Variants in COL21A1 observed in about 807,000 individuals in gnomAD.
COL21A1 encodes the protein collagen alpha-1(XXI) chain.
Under a neutral mutation model 137.9 loss-of-function variants are expected in COL21A1, and 149 were observed. The ratio of observed to expected loss-of-function variants is 1.08; its 90% CI spans 0.95 to 1.24. The LOEUF (loss-of-function observed/expected upper bound fraction) is 1.24, where lower values mean the gene tolerates loss of function less well. Among genes scored for constraint, COL21A1 ranks in the 50% most tolerant of loss-of-function variants. The probability of loss-of-function intolerance (pLI) is 0.00; values close to 1 mark genes in which losing one functional copy is unlikely to be tolerated. For missense variants in COL21A1, 1,167 were observed against 1,158.4 expected (o/e 1.01, Z -0.11); for synonymous variants, 456 against 391.5 (o/e 1.16, Z -1.95).
intron 21 of COL21A1, among the ~76,000 whole-genome samples, chr6:56,070,374 A>G (rs1380341735): frequency 6.6e-6 from 1 of 151,716 alleles, no homozygotes; most frequent in Non-Finnish European, 1.5e-5. Context: ...TGTGAGTTCT[A>G]TATCAAAGAT....
chr6:56,319,520 T>A (rs981998416), intron 1 of COL21A1, among the ~76,000 whole-genome samples: 5 of 151,160 alleles, frequency 3.3e-5, no homozygotes, highest in Non-Finnish European at 4.4e-5. Context: ...GCATTTTTAG[T>A]AGAGACAAGG....
intron 10 of COL21A1, among the ~76,000 whole-genome samples, chr6:56,154,085 C>T (rs920941192): frequency 1.3e-5 from 2 of 152,052 alleles, no homozygotes; most frequent in African/African-American, 4.8e-5. Context: ...ATATGTGGGG[C>T]TTTAAGAGGT....
chr6:56,360,473 T>A (rs1432547974), intron 1 of COL21A1, among the ~76,000 whole-genome samples: 3 of 152,108 alleles, frequency 2.0e-5, no homozygotes, highest in Non-Finnish European at 4.4e-5. Flanking sequence ...AGAGTGATGA[T>A]GTGGTGGCAA....
intron 3 of COL21A1, among the ~76,000 whole-genome samples, chr6:56,175,864 T>C (rs540254889): frequency 6.6e-6 from 1 of 152,244 alleles, no homozygotes; most frequent in South Asian, 2.1e-4. Context: ...GGCCTCACAC[T>C]TCCTGATTTC....
chr6:56,221,871 C>CA (rs1466112746), intron 1 of COL21A1, among the ~76,000 whole-genome samples: 2 of 151,906 alleles, frequency 1.3e-5, no homozygotes, highest in South Asian at 2.1e-4. Flanking sequence ...TAAGTATTGC[C>CA]AAAAAACAAT....
chr6:56,071,199 A>G (rs937730866), intron 20 of COL21A1, among the ~76,000 whole-genome samples: 1 of 151,602 alleles, frequency 6.6e-6, no homozygotes, highest in Non-Finnish European at 1.5e-5. Flanking sequence ...TCAGTATGCA[A>G]CTGAAGGAAA....
At chr6:56,085,876 A>G (rs1768197335) in intron 17 of COL21A1, among the ~76,000 whole-genome samples, 1 of 150,322 alleles carries the variant, frequency 6.7e-6, no homozygotes, top group African/African-American at 2.4e-5. Flanking sequence ...TATACAGATC[A>G]TTTCCAAGAG....
rs540063626 is a variant in COL21A1 at position 56,142,053 on chromosome 6, G to A, written c.1435-70C>T. ...TTACCAAGAGAAGTTCTTCGTTTCA[G>A]AATTCACTCTTATCTCAAGTTTCTC... On this transcript the variant is annotated intron_variant, in intron 10 of 29. Transcript: ENST00000244728. The A allele has an allele frequency of 2.3e-5, 26 of 1,131,700 alleles. 1 individual carries two copies. The South Asian group carries it at 3.5e-4, about 15-fold the overall frequency. The allele number at this position is 1,131,700 out of a possible 1,614,324, so 70.1% of individuals were successfully genotyped here.
At chr6:56,303,664 A>G (rs1764359308) in intron 1 of COL21A1, among the ~76,000 whole-genome samples, 1 of 152,326 alleles carries the variant, frequency 6.6e-6, no homozygotes, top group Admixed American at 6.5e-5. Flanking sequence ...ATATACAATC[A>G]TGTCATCTCC....
At chr6:56,117,231 G>A (rs943088836) in intron 16 of COL21A1, among the ~76,000 whole-genome samples, 1 of 151,716 alleles carries the variant, frequency 6.6e-6, no homozygotes, top group African/African-American at 2.4e-5. Flanking sequence ...GACACACATA[G>A]ACTAAAAATA....
At chr6:56,154,951 T>A (rs1378326822) in intron 10 of COL21A1, among the ~76,000 whole-genome samples, 1 of 152,180 alleles carries the variant, frequency 6.6e-6, no homozygotes, top group African/African-American at 2.4e-5. Context: ...GGGGTACATG[T>A]GCAGGTTTGT....
intron 1 of COL21A1, among the ~76,000 whole-genome samples, chr6:56,378,979 G>T (rs774162514): frequency 1.3e-5 from 2 of 152,180 alleles, no homozygotes; most frequent in Non-Finnish European, 2.9e-5. Context: ...GACCATCAAG[G>T]CAGTACCTCT....
chr6:56,256,613 T>A lies in COL21A1; in HGVS notation c.-38-73957A>T, dbSNP rs370819378. Among the ~76,000 whole-genome samples the A allele has an allele frequency of 2.0e-4, 30 of 152,294 alleles. No homozygotes were observed. The South Asian group carries it at 6.2e-3, about 32-fold the overall frequency. The stretch of plus-strand genomic sequence containing the variant: ...AAAGCTGTACTCTATACAATATAGT[T>A]CACATTAAAGAGGGTAAAATATAGA... On this transcript the variant is annotated intron_variant, in intron 1 of 28. Coordinates refer to the COL21A1 transcript ENST00000370819.
chr6:56,125,022 T>C (rs1772917035), intron 14 of COL21A1, among the ~76,000 whole-genome samples: 1 of 130,986 alleles, frequency 7.6e-6, no homozygotes, highest in South Asian at 2.7e-4. Flanking sequence ...TTTTTTTTTT[T>C]TTTTTTTTTT....
At chr6:56,331,067 A>G (rs1026121107) in intron 1 of COL21A1, among the ~76,000 whole-genome samples, 9 of 151,980 alleles carry the variant, frequency 5.9e-5, no homozygotes, top group African/African-American at 2.2e-4. Context: ...GCATTTTTTC[A>G]TATGCTTGTT....
chr6:56,071,452 T>A (rs1766747674), intron 20 of COL21A1, among the ~76,000 whole-genome samples: 1 of 151,554 alleles, frequency 6.6e-6, no homozygotes, highest in Non-Finnish European at 1.5e-5. Flanking sequence ...TTCAAATACT[T>A]TGATACCTGA....
chr6:56,186,315 A>T (rs1461154794), intron 1 of COL21A1, among the ~76,000 whole-genome samples: 1 of 152,220 alleles, frequency 6.6e-6, no homozygotes, highest in Admixed American at 6.5e-5. Flanking sequence ...CTCATTTATG[A>T]TAAAACTTTC....
At chr6:56,291,357 GA>G (rs1764037440) in intron 1 of COL21A1, among the ~76,000 whole-genome samples, 2 of 152,044 alleles carry the variant, frequency 1.3e-5, no homozygotes, top group South Asian at 2.1e-4. Flanking sequence ...GAGAGCACTG[GA>G]AAAAAAACTG....
intron 1 of COL21A1, among the ~76,000 whole-genome samples, chr6:56,198,681 C>T (rs1013799684): frequency 6.6e-6 from 1 of 151,986 alleles, no homozygotes. Context: ...AGTAAGGAGG[C>T]CATGCTTTCA....
Sources: gnomAD v4.1 joint callset for allele counts (sites outside exome capture counted in the v4.1 genomes callset) on GRCh38, gnomAD v4.1.1 for gene constraint, MANE v1.5 for transcripts, NCBI Gene and HGNC (gene_info 2026-07-23, HGNC 2026-07-21) for gene names.